The following SLC8A1 variants were observed in gnomAD, a reference collection of about 807,000 sequenced individuals.
SLC8A1 encodes sodium/calcium exchanger 1.
SLC8A1 carries 18 observed loss-of-function variants against 68.3 expected under a neutral mutation model. The observed-to-expected ratio is 0.26, with a 90% CI of 0.18 to 0.39. The LOEUF (loss-of-function observed/expected upper bound fraction) is 0.39, where lower values mean the gene tolerates loss of function less well. Among genes scored for constraint, SLC8A1 ranks in the 10% least tolerant of loss-of-function variants. The pLI, the probability that SLC8A1 is intolerant of heterozygous loss-of-function variation, is 1.00. For synonymous variants in SLC8A1, 475 were observed against 415.5 expected (o/e 1.14, Z -1.74); for missense variants, 985 against 1,156.7 (o/e 0.85, Z 2.15).
At chr2:40,250,910 G>C (rs1250505858) in intron 2 of SLC8A1, 1 of 152,120 alleles carries the variant, frequency 6.6e-6, no homozygotes, top group East Asian at 1.9e-4. Flanking sequence ...TACTAAGGAG[G>C]GTCAGAATTT....
chr2:40,144,218 G>T (rs779196708), intron 6 of SLC8A1, among the ~76,000 whole-genome samples: 8 of 152,114 alleles, frequency 5.3e-5, no homozygotes, highest in Non-Finnish European at 1.0e-4. Context: ...TTTAAGAAAA[G>T]AAAGAAACAG....
chr2:40,118,311 G>C (rs1305123166), intron 7 of SLC8A1: 2 of 152,232 alleles, frequency 1.3e-5, no homozygotes, highest in African/African-American at 4.8e-5. Context: ...TTTCCTCTTA[G>C]TTCATTTCAG....
intron 2 of SLC8A1, among the ~76,000 whole-genome samples, chr2:40,338,968 G>A (rs1666876745): frequency 6.6e-6 from 1 of 152,200 alleles, no homozygotes; most frequent in African/African-American, 2.4e-5. Flanking sequence ...GCCACAGACA[G>A]TGAACTTCCC....
chr2:40,429,344 C>A (rs866569143), exon 2 of SLC8A1: 1 of 1,613,886 alleles, frequency 6.2e-7, no homozygotes. Context: ...TCCCTCTCAT[C>A]CACCTCCAGA....
At chr2:40,430,153 C>G (rs751120817) in exon 2 of SLC8A1, 1 of 1,613,822 alleles carries the variant, frequency 6.2e-7, no homozygotes, top group Admixed American at 1.7e-5. Flanking sequence ...AGTTTCATTT[C>G]CTTCTCCTTC....
chr2:40,274,648 G>T (rs1429317088), intron 2 of SLC8A1, among the ~76,000 whole-genome samples: 1 of 152,170 alleles, frequency 6.6e-6, no homozygotes, highest in East Asian at 1.9e-4. Flanking sequence ...AATGAGGATT[G>T]TTGTTATTTT....
At chr2:40,268,285 T>C (rs986959392) in intron 2 of SLC8A1, among the ~76,000 whole-genome samples, 1 of 152,142 alleles carries the variant, frequency 6.6e-6, no homozygotes, top group African/African-American at 2.4e-5. Context: ...CCCTACACCA[T>C]ACTCACTAAA....
At chr2:40,206,030 T>A (rs1407509802) in intron 2 of SLC8A1, among the ~76,000 whole-genome samples, 1 of 151,944 alleles carries the variant, frequency 6.6e-6, no homozygotes, top group Admixed American at 6.6e-5. Flanking sequence ...AATGAAAAGA[T>A]TTGATTGGAA....
At chr2:40,430,607 G>C (rs1698061401) in intron 1 of SLC8A1, among the ~76,000 whole-genome samples, 1 of 152,148 alleles carries the variant, frequency 6.6e-6, no homozygotes, top group African/African-American at 2.4e-5. Flanking sequence ...GAAAGGAAAA[G>C]TTCAATTTAT....
chr2:40,288,515 G>C (rs1218033553), intron 2 of SLC8A1, among the ~76,000 whole-genome samples: 1 of 151,904 alleles, frequency 6.6e-6, no homozygotes, highest in Non-Finnish European at 1.5e-5. Flanking sequence ...TTCTACCTCA[G>C]CTGAAACACC....
intron 2 of SLC8A1, among the ~76,000 whole-genome samples, chr2:40,320,243 A>G (rs760206219): frequency 2.6e-5 from 4 of 152,098 alleles, no homozygotes; most frequent in Non-Finnish European, 5.9e-5. Context: ...AAATTTCAAT[A>G]CTTATTCTTT....
At chr2:40,386,651 G>C (rs1252327374) in intron 2 of SLC8A1, among the ~76,000 whole-genome samples, 2 of 149,604 alleles carry the variant, frequency 1.3e-5, no homozygotes, top group Non-Finnish European at 3.0e-5. Context: ...AAACAATGCA[G>C]TTAAGTTTCC....
chr2:40,430,013 G>A, exon 2 of SLC8A1: 1 of 1,613,866 alleles, frequency 6.2e-7, no homozygotes. Flanking sequence ...GAGACTCCAA[G>A]AAACATGTAG....
chr2:40,287,491 A>G (rs560713903), intron 2 of SLC8A1, among the ~76,000 whole-genome samples: 10 of 152,182 alleles, frequency 6.6e-5, no homozygotes, highest in Admixed American at 2.6e-4. Context: ...AATAAGAATA[A>G]TATCTGGGAT....
intron 2 of SLC8A1, among the ~76,000 whole-genome samples, chr2:40,336,325 A>C (rs904387669): frequency 7.9e-5 from 12 of 152,326 alleles, no homozygotes; most frequent in Admixed American, 2.6e-4. Context: ...TCAAATGAGT[A>C]AACAAATTAA....
intron 6 of SLC8A1, among the ~76,000 whole-genome samples, chr2:40,156,189 T>C (rs1459252917): frequency 6.6e-6 from 1 of 152,228 alleles, no homozygotes; most frequent in Non-Finnish European, 1.5e-5. Flanking sequence ...AGGGCTACTG[T>C]AGGACTATAA....
chr2:40,451,737 T>TCACACACACACACACACACACACACACA (rs756970142), intron 1 of SLC8A1, among the ~76,000 whole-genome samples, 167 bp downstream of exon 1: 1 of 133,664 alleles, frequency 7.5e-6, no homozygotes, highest in Non-Finnish European at 1.6e-5. Context: ...ACACACCACA[T>TCACACACACACACACACACACACACACA]CACACACACA....
chr2:40,319,020 C>T (rs2074854221), intron 2 of SLC8A1, among the ~76,000 whole-genome samples: 3 of 152,084 alleles, frequency 2.0e-5, no homozygotes, highest in Admixed American at 2.0e-4. Context: ...TTTCAACTCC[C>T]AGGAAACAGG....
intron 2 of SLC8A1, among the ~76,000 whole-genome samples, chr2:40,328,703 G>T (rs562829907): frequency 6.6e-6 from 1 of 152,204 alleles, no homozygotes; most frequent in African/African-American, 2.4e-5. Flanking sequence ...TCATCTTTCA[G>T]GTCTCTTTCA....
Sources: gnomAD v4.1 joint callset for allele counts (sites outside exome capture counted in the v4.1 genomes callset) on GRCh38, gnomAD v4.1.1 for gene constraint, MANE v1.5 for transcripts, NCBI Gene and HGNC (gene_info 2026-07-23, HGNC 2026-07-21) for gene names.